The following CMTM4 variants were observed in gnomAD, a reference collection of about 807,000 sequenced individuals.
CMTM4 encodes the protein CKLF like MARVEL transmembrane domain containing 4.
Under a neutral mutation model 19.0 loss-of-function variants are expected in CMTM4, and 8 were observed. The observed-to-expected ratio is 0.42, with a 90% confidence interval of 0.25 to 0.76. The LOEUF (loss-of-function observed/expected upper bound fraction) is 0.76, where lower values mean the gene tolerates loss of function less well. CMTM4 is among the 30% of genes least tolerant of loss of function. The pLI is 0.27. For missense variants in CMTM4, 228 were observed against 290.2 expected (o/e 0.79, Z 1.56); for synonymous variants, 106 against 121.1 (o/e 0.88, Z 0.82).
chr16:66,685,776 T>C (rs1488584801), intron 1 of CMTM4, among the ~76,000 whole-genome samples: 2 of 152,288 alleles, frequency 1.3e-5, no homozygotes, highest in East Asian at 3.9e-4. Flanking sequence ...CCTGAGTTGC[T>C]GGGACTACAG....
Position 66,622,950 on chromosome 16 carries a change from G to T in CMTM4, c.462+454C>A, listed in dbSNP as rs1167053223. Among the ~76,000 whole-genome samples, 1 of 152,240 alleles carries T rather than the reference G, an allele frequency of 6.6e-6. No individual in the cohort carries two copies. Among genetic ancestry groups the T allele is most frequent in the African/African-American group, 2.4e-5 (1 of 41,468 alleles). ...GAAATGCAGGGCATGGAGAGGGGAAGTCCTACATTATCTGGTCCCCACCTG... is the reference window on the plus strand; with the variant it reads ...GAAATGCAGGGCATGGAGAGGGGAATTCCTACATTATCTGGTCCCCACCTG... On this transcript the variant is annotated intron_variant, in intron 3 of 3. Transcript: ENST00000394106. This position sits in a 1 kb window ranked among gnomAD's most constrained non-coding sequence, Gnocchi z 4.0.
chr16:66,625,930 G>A (rs1363250328), intron 2 of CMTM4, among the ~76,000 whole-genome samples: 2 of 152,204 alleles, frequency 1.3e-5, no homozygotes, highest in Non-Finnish European at 2.9e-5. Context: ...ACAAGTGGCT[G>A]CCTCAAGGGC....
chr16:66,630,673 G>A (rs1190817211), intron 2 of CMTM4, among the ~76,000 whole-genome samples: 1 of 152,088 alleles, frequency 6.6e-6, no homozygotes, highest in Non-Finnish European at 1.5e-5. Flanking sequence ...GCAGTGGCGT[G>A]ATCTCGGCTC....
chr16:66,695,291 G>A (rs2017211611), intron 1 of CMTM4, among the ~76,000 whole-genome samples: 1 of 152,168 alleles, frequency 6.6e-6, no homozygotes, highest in South Asian at 2.1e-4. Flanking sequence ...AACCTGCAGT[G>A]AGCCACGATC....
chr16:66,653,891 T>C (rs2016354260), intron 1 of CMTM4, among the ~76,000 whole-genome samples: 1 of 152,058 alleles, frequency 6.6e-6, no homozygotes, highest in Non-Finnish European at 1.5e-5. Context: ...TGTGCCATCA[T>C]GCCTGGCTAA....
intron 2 of CMTM4, among the ~76,000 whole-genome samples, chr16:66,630,324 C>CCTCCCTCTCCCTCTCCCCACAGT (rs1284575908): frequency 9.5e-6 from 1 of 105,172 alleles, no homozygotes; most frequent in Non-Finnish European, 1.9e-5. Context: ...CCCCCTCCCC[C>CCTCCCTCTCCCTCTCCCCACAGT]CTCCCTCTCC....
the CMTM4 span, among the ~76,000 whole-genome samples, chr16:66,601,585 C>A: frequency 1.3e-5 from 2 of 152,188 alleles, no homozygotes; most frequent in Admixed American, 1.3e-4. Context: ...GGCAGCCTGG[C>A]CCCCAGCCTT....
intron 1 of CMTM4, among the ~76,000 whole-genome samples, chr16:66,657,816 A>G (rs2016425896): frequency 6.6e-6 from 1 of 152,264 alleles, no homozygotes. Flanking sequence ...CAAAAGAATC[A>G]GCATTTACCT....
chr16:66,619,720 C>T lies in CMTM4; in HGVS notation c.*2338G>A, dbSNP rs1050637971. The stretch of plus-strand genomic sequence containing the variant: ...ACCACACATTACATCAACTAGAAAG[C>T]GTCCATAGCACCACTTCCGGTTCTA... On this transcript the variant is annotated 3_prime_UTR_variant, in exon 4 of 4. Transcript: ENST00000394106. 11 of 985,260 alleles carry T rather than the reference C, an allele frequency of 1.1e-5. No individual in the cohort carries two copies. The African/African-American group carries it at 1.2e-4, about 11-fold the overall frequency. The allele number at this position is 985,260 out of a possible 1,614,324, so 61.0% of individuals were successfully genotyped here. A position where few individuals can be genotyped will look rare whatever the true frequency, so the allele number is the denominator to read the frequency against.
chr16:66,660,953 T>C (rs533602787), intron 1 of CMTM4, among the ~76,000 whole-genome samples: 3 of 152,034 alleles, frequency 2.0e-5, no homozygotes, highest in Non-Finnish European at 4.4e-5. Context: ...CCCTGCTCTA[T>C]CCCTCCCGAA....
intron 1 of CMTM4, among the ~76,000 whole-genome samples, chr16:66,671,461 T>C (rs1263491386): frequency 6.6e-6 from 1 of 152,194 alleles, no homozygotes; most frequent in Non-Finnish European, 1.5e-5. Flanking sequence ...CAAAGACTTG[T>C]GATGGAGAGA....
chr16:66,600,136 G>GGT, the CMTM4 span, among the ~76,000 whole-genome samples: 129 of 135,160 alleles, frequency 9.5e-4, 1 homozygote, highest in South Asian at 2.2e-3. Context: ...GTGTGTGTGT[G>GGT]TTTTTTTTTG....
intron 1 of CMTM4, among the ~76,000 whole-genome samples, chr16:66,668,931 T>A (rs968508107): frequency 2.6e-5 from 4 of 152,236 alleles, no homozygotes; most frequent in Non-Finnish European, 5.9e-5. Context: ...ACTGCTTAGC[T>A]GTTTCCTGTA....
intron 2 of CMTM4, among the ~76,000 whole-genome samples, chr16:66,628,830 T>C (rs558521640): frequency 3.9e-5 from 6 of 152,368 alleles, no homozygotes; most frequent in East Asian, 1.9e-4. Flanking sequence ...TTCCATTGTA[T>C]AGATACACCA....
In CMTM4 at chr16:66,696,420, G is replaced by A; in HGVS notation, c.106C>T (p.Gln36Ter). Residue 36 changes from glutamine (Q) to a stop codon, truncating the protein, a stop_gained, in exon 1 of 4, where the codon CAG becomes TAG. Coordinates refer to ENST00000394106, the MANE Select transcript of CMTM4 (RefSeq NM_181521.3). LOFTEE classifies it high-confidence loss of function. This position sits in a 1 kb window ranked among gnomAD's most constrained non-coding sequence, Gnocchi z 4.3. ...PYQPTTEPVSQRRGLAGLRCD... is the reference protein window; with the variant it reads ...PYQPTTEPVS ...CGCAGGCCGGCCAGCCCGCGGCGCT[G>A]GCTCACCGGCTCGGTGGTGGGCTGG... 2 of 1,399,706 alleles carry A rather than the reference G, an allele frequency of 1.4e-6. No individual in the cohort carries two copies. Among genetic ancestry groups the A allele is most frequent in the Admixed American group, 3.0e-5 (1 of 33,126 alleles). 86.7% of individuals were successfully genotyped at this position (1,399,706 alleles called of 1,614,324 possible).
Position 66,622,248 on chromosome 16 carries a change from C to T in CMTM4, c.463-26G>A. The T allele has an allele frequency of 6.2e-7, 1 of 1,610,154 alleles. No individual in the cohort carries two copies. Among genetic ancestry groups the T allele is most frequent in the African/African-American group, 1.3e-5 (1 of 75,012 alleles). ...CTAAAAACACACCAGCACAGTTAGT[C>T]CTCGGGCACGTGGCCTGGCCCCTCA... is the stretch of plus-strand genomic sequence containing the variant. On this transcript the variant is annotated intron_variant, in intron 3 of 3. Coordinates refer to ENST00000394106, the MANE Select transcript of CMTM4 (RefSeq NM_181521.3). This position sits in a 1 kb window ranked among gnomAD's most constrained non-coding sequence, Gnocchi z 4.0.
At chr16:66,674,882 C>A (rs928660440) in intron 1 of CMTM4, among the ~76,000 whole-genome samples, 1 of 151,458 alleles carries the variant, frequency 6.6e-6, no homozygotes, top group Non-Finnish European at 1.5e-5. Flanking sequence ...GCTGGGATTA[C>A]AGGTGCCTGC....
intron 1 of CMTM4, among the ~76,000 whole-genome samples, chr16:66,691,147 G>A (rs2017127508): frequency 6.6e-6 from 1 of 151,968 alleles, no homozygotes; most frequent in South Asian, 2.1e-4. Context: ...CCCATCTTTT[G>A]TTATTAAAAA....
intron 1 of CMTM4, among the ~76,000 whole-genome samples, chr16:66,666,886 C>T (rs1051280528): frequency 6.6e-6 from 1 of 152,124 alleles, no homozygotes; most frequent in African/African-American, 2.4e-5. Flanking sequence ...TGGACATAAA[C>T]ACGGAAACAA....
Sources: gnomAD v4.1 joint callset for allele counts (sites outside exome capture counted in the v4.1 genomes callset) on GRCh38, gnomAD v4.1.1 for gene constraint, Gnocchi (gnomAD v3.1) non-coding constraint, MANE v1.5 for transcripts, NCBI Gene and HGNC (gene_info 2026-07-23, HGNC 2026-07-21) for gene names.